The following CERS4 variants were observed in gnomAD, a reference collection of about 807,000 sequenced individuals.
The protein encoded by CERS4 is LAG1 homolog, ceramide synthase 4.
In CERS4, 65 loss-of-function variants were observed where a neutral mutation model predicts 51.8. The ratio of observed to expected loss-of-function variants is 1.26; its 90% confidence interval spans 1.03 to 1.54. The LOEUF (loss-of-function observed/expected upper bound fraction) is 1.54, where lower values mean the gene tolerates loss of function less well. CERS4 is among the 40% of genes most tolerant of loss of function. The pLI is 0.00. For synonymous variants in CERS4, 228 were observed against 208.4 expected (o/e 1.09, Z -0.81); for missense variants, 563 against 500.4 (o/e 1.13, Z -1.19).
intron 2 of CERS4, among the ~76,000 whole-genome samples, chr19:8,222,803 G>A (rs1052775223): frequency 1.3e-5 from 2 of 152,024 alleles, no homozygotes; most frequent in African/African-American, 2.4e-5. Flanking sequence ...TGGCCAGCAC[G>A]AGCCTTTTGA....
intron 2 of CERS4, among the ~76,000 whole-genome samples, chr19:8,248,104 A>T (rs1968869963): frequency 1.3e-5 from 2 of 152,054 alleles, no homozygotes; most frequent in South Asian, 4.1e-4. Context: ...TCACATTTAA[A>T]ATCACGCCAC....
At chr19:8,236,007 A>G (rs1968234306) in intron 2 of CERS4, among the ~76,000 whole-genome samples, 1 of 152,080 alleles carries the variant, frequency 6.6e-6, no homozygotes, top group Non-Finnish European at 1.5e-5. Flanking sequence ...CATCCTGGCT[A>G]ACACGGTGAA....
At chr19:8,253,875 A>G (rs1201211506) in intron 3 of CERS4, among the ~76,000 whole-genome samples, 1 of 152,070 alleles carries the variant, frequency 6.6e-6, no homozygotes, top group Non-Finnish European at 1.5e-5. Flanking sequence ...GGCATGAGTC[A>G]GCTGCCTTTC....
rs1967060726 is a variant in CERS4, at chr19:8,210,927, C to T, written c.-2+65C>T. 6.6e-6 allele frequency: 1 copy of T among 152,068 alleles called. No homozygotes were observed. Among genetic ancestry groups the T allele is most frequent in the African/African-American group, 2.4e-5 (1 of 41,380 alleles). The allele number at this position is 152,068 out of a possible 1,614,324, so 9.4% of individuals were successfully genotyped here. A position where few individuals can be genotyped will look rare whatever the true frequency, so the allele number is the denominator to read the frequency against. ...TGGTCGTTGAACTGGCTGTAGGGCC[C>T]CCAGGGAAAGGTTTCTGAGCTTCAG... On this transcript the variant is annotated intron_variant, in intron 2 of 11. Transcript: ENST00000251363. This position sits in a 1 kb window ranked among gnomAD's most constrained non-coding sequence, Gnocchi z 4.2.
At chr19:8,255,766 CCGGGGTGGGG>C (rs749658727) in intron 5 of CERS4, 41 bp downstream of exon 5, 56 of 1,518,780 alleles carry the variant, frequency 3.7e-5, no homozygotes, top group South Asian at 5.6e-5. Flanking sequence ...GGGAAGCGGG[CCGGGGTGGGG>C]CGGGGCGGGT....
intron 7 of CERS4, 119 bp downstream of exon 7, chr19:8,256,405 G>A (rs1052265320): frequency 2.4e-5 from 29 of 1,211,464 alleles, no homozygotes; most frequent in African/African-American, 6.1e-5. Flanking sequence ...TGAGTCCCAC[G>A]CTCTTTGATT....
In CERS4 at chr19:8,262,131, G is replaced by T; in HGVS notation, c.*22G>T. On this transcript the variant is annotated 3_prime_UTR_variant, in exon 12 of 12. Coordinates refer to ENST00000251363, the MANE Select transcript of CERS4 (RefSeq NM_024552.3). Reference sequence around the variant, plus strand: ...ATAGCCGGGCGGGGCTGGCTGTAAGGGGTTGCCCCCCCGCCAGTGCCTTGG... The same window carrying T: ...ATAGCCGGGCGGGGCTGGCTGTAAGTGGTTGCCCCCCCGCCAGTGCCTTGG... 3 of 1,437,050 alleles carry T rather than the reference G, an allele frequency of 2.1e-6. No homozygotes were observed. The highest frequency in any genetic ancestry group is 2.7e-6 in the Non-Finnish European group (3 of 1,097,522). 89.0% of individuals were successfully genotyped at this position (1,437,050 alleles called of 1,614,324 possible).
At chr19:8,258,173 AATT>A (rs149059523) in intron 10 of CERS4, among the ~76,000 whole-genome samples, 188 bp downstream of exon 10, 1,795 of 152,226 alleles carry the variant, frequency 0.012, 35 homozygotes, top group African/African-American at 0.036. Context: ...TGAGACAGAG[AATT>A]ATTATTACTC....
chr19:8,216,626 T>C (rs1967311517), intron 2 of CERS4, among the ~76,000 whole-genome samples: 1 of 151,952 alleles, frequency 6.6e-6, no homozygotes, highest in Non-Finnish European at 1.5e-5. Context: ...AAAATTAAGA[T>C]ATAGAGTCTT....
At chr19:8,248,931 G>A (rs1277224708) in intron 2 of CERS4, among the ~76,000 whole-genome samples, 1 of 141,212 alleles carries the variant, frequency 7.1e-6, no homozygotes, top group African/African-American at 2.7e-5. Flanking sequence ...TGGATGAGTG[G>A]ATAGGTGGAT....
In CERS4 at chr19:8,254,488, T is replaced by G. The variant is rs540150487; in HGVS notation, c.174-11T>G. The G allele has an allele frequency of 6.2e-7, 1 of 1,612,798 alleles. No individual in the cohort carries two copies. The highest frequency in any genetic ancestry group is 1.1e-5 in the South Asian group (1 of 91,034). On this transcript the variant is annotated splice_polypyrimidine_tract_variant and intron_variant, in intron 3 of 11. Coordinates refer to ENST00000251363, the MANE Select transcript of CERS4 (RefSeq NM_024552.3). ...ACCTGGGCTGATAGGCTCTGTCTCC[T>G]TTGCACCCAGATTCATTGGCCTGCC...
At chr19:8,248,669 AGATG>A (rs370388876) in intron 2 of CERS4, among the ~76,000 whole-genome samples, 5 of 150,404 alleles carry the variant, frequency 3.3e-5, no homozygotes, top group African/African-American at 9.8e-5. Context: ...GTGGGTGGAC[AGATG>A]GATGGATGAA....
Position 8,244,070 on chromosome 19 carries a change from A to C in CERS4, c.-1-7006A>C, listed in dbSNP as rs975861863. ...CATCACAAGGGTCTTAAAATGAAGA[A>C]GACGGAGGCAGGAGAGACACTGTCA... On this transcript the variant is annotated intron_variant, in intron 2 of 11. Transcript: ENST00000251363. Among the ~76,000 whole-genome samples, 5 of 152,362 alleles carry C rather than the reference A, an allele frequency of 3.3e-5. No homozygotes were observed. The East Asian group carries it at 9.6e-4, about 29-fold the overall frequency.
chr19:8,249,040 G>A (rs908968273), intron 2 of CERS4, among the ~76,000 whole-genome samples: 4 of 150,360 alleles, frequency 2.7e-5, no homozygotes, highest in Non-Finnish European at 5.9e-5. Flanking sequence ...TGGATGATGG[G>A]TAGATGAGTG....
intron 2 of CERS4, among the ~76,000 whole-genome samples, chr19:8,249,959 C>T (rs757107417): frequency 1.3e-5 from 2 of 151,902 alleles, no homozygotes; most frequent in African/African-American, 4.8e-5. Context: ...GGAAAGAAAC[C>T]TTCCTGGACG....
In CERS4 at chr19:8,249,587, AT is replaced by A. The variant is rs869119452; in HGVS notation, c.-1-1467del. On this transcript the variant is annotated intron_variant, in intron 2 of 11. Transcript: ENST00000251363. ...TAGATGGCCAGGAAAGGAACTCTGGATTTTTTTTTTTTTTTTTTTTTTGAGA... is the reference window on the plus strand; with the variant it reads ...TAGATGGCCAGGAAAGGAACTCTGGATTTTTTTTTTTTTTTTTTTTTGAGA... Among the ~76,000 whole-genome samples the A allele has an allele frequency of 9.4e-3, 854 of 91,334 alleles. 10 individuals are homozygous for A. Among genetic ancestry groups the A allele is most frequent in the African/African-American group, 0.033 (780 of 23,310 alleles). The allele number at this position is 91,334 out of a possible 152,430, so 59.9% of individuals were successfully genotyped here.
intron 2 of CERS4, among the ~76,000 whole-genome samples, chr19:8,221,455 T>A (rs1052996069): frequency 6.6e-6 from 1 of 152,178 alleles, no homozygotes; most frequent in Non-Finnish European, 1.5e-5. Context: ...GCTGGCTTGC[T>A]CTTTCAGGGA....
intron 2 of CERS4, among the ~76,000 whole-genome samples, chr19:8,222,726 G>C (rs565462159): frequency 1.3e-5 from 2 of 151,714 alleles, no homozygotes; most frequent in East Asian, 3.9e-4. Context: ...TTGAACTCCT[G>C]ACCTCAGATG....
chr19:8,225,775 C>T (rs1967761727), intron 2 of CERS4, among the ~76,000 whole-genome samples: 1 of 151,902 alleles, frequency 6.6e-6, no homozygotes, highest in Admixed American at 6.6e-5. Context: ...TGTCTCTGGG[C>T]CCATGTCTGT....
Sources: gnomAD v4.1 joint callset for allele counts (sites outside exome capture counted in the v4.1 genomes callset) on GRCh38, gnomAD v4.1.1 for gene constraint, Gnocchi (gnomAD v3.1) non-coding constraint, MANE v1.5 for transcripts, NCBI Gene and HGNC (gene_info 2026-07-23, HGNC 2026-07-21) for gene names.